NCCRP1: variants seen among roughly 807,000 people sequenced by gnomAD.
NCCRP1 encodes F-box only protein 50.
In NCCRP1, 32 loss-of-function variants were observed where a neutral mutation model predicts 34.4. The ratio of observed to expected loss-of-function variants is 0.93; its 90% CI spans 0.70 to 1.25. The LOEUF (loss-of-function observed/expected upper bound fraction) is 1.25. Ranked by LOEUF, NCCRP1 falls within the 50% of genes most tolerant of loss-of-function variation. NCCRP1 has a pLI of 0.00. For synonymous variants in NCCRP1, 172 were observed against 180.1 expected (o/e 0.95, Z 0.36); for missense variants, 372 against 391.8 (o/e 0.95, Z 0.43).
rs144574051 is a variant in NCCRP1, at chr19:39,200,577, A to G, written c.688-39A>G. The G allele has an allele frequency of 0.017, 28,007 of 1,611,938 alleles. 342 individuals carry two copies. Among genetic ancestry groups the G allele is most frequent in the Non-Finnish European group, 0.021 (24,722 of 1,179,016 alleles). ...AGGAGAACAGGTCCGCGGGTCCTCA[A>G]AAAGGGCTCCTCCCTAACCCCAGGT... On this transcript the variant is annotated intron_variant, in intron 5 of 5. Coordinates refer to ENST00000339852, the MANE Select transcript of NCCRP1 (RefSeq NM_001001414.2). This position sits in a 1 kb window ranked among gnomAD's most constrained non-coding sequence, Gnocchi z 5.8.
In NCCRP1 at chr19:39,200,301, A is replaced by C; in HGVS notation, c.549-45A>C. 1.2e-6 allele frequency: 2 copies of C among 1,606,186 alleles called. No individual in the cohort carries two copies. Among genetic ancestry groups the C allele is most frequent in the Non-Finnish European group, 1.7e-6 (2 of 1,176,584 alleles). Reference sequence around the variant, plus strand: ...ATGGGGCCAGGGGCTGGGGCTGGGTAGCTGAGACTGCAGTGACAGCTGAAG... The same window carrying C: ...ATGGGGCCAGGGGCTGGGGCTGGGTCGCTGAGACTGCAGTGACAGCTGAAG... On this transcript the variant is annotated intron_variant, in intron 4 of 5. Transcript: ENST00000339852. This position sits in a 1 kb window ranked among gnomAD's most constrained non-coding sequence, Gnocchi z 5.8.
chr19:39,200,410 C>T lies in NCCRP1; in HGVS notation c.613C>T (p.Arg205Cys), dbSNP rs371038975. The T allele has an allele frequency of 2.4e-5, 39 of 1,613,370 alleles. No individual in the cohort carries two copies. Among genetic ancestry groups the T allele is most frequent in the South Asian group, 1.3e-4 (12 of 91,082 alleles). The stretch of plus-strand genomic sequence containing the variant: ...GCATGTCTGGCTGCTGGCGGCCGAC[C>T]GCCGCACGGTCATTGCTCAGCACCA... ...ELHVWLLAAD[R>C]RTVIAQHHVA... Residue 205 changes from arginine (R) to cysteine (C), a missense_variant, in exon 5 of 6, where the codon CGC becomes TGC. Arg to Cys is a radical substitution (Grantham distance 180). Transcript: ENST00000339852. The surrounding 1 kb of genome is among the most constrained non-coding windows in gnomAD (Gnocchi z 5.8).
At chr19:39,197,851 CTCTG>C (rs1399894080) in intron 1 of NCCRP1, among the ~76,000 whole-genome samples, 198 bp from the exon 2 acceptor site, 2 of 152,166 alleles carry the variant, frequency 1.3e-5, no homozygotes, top group African/African-American at 2.4e-5. Context: ...GTCCCTCTGT[CTCTG>C]TCTGTCTCAC....
At position 39,201,565 on chromosome 19, in the gene NCCRP1, C is replaced by G. The variant is rs1344744342; in HGVS notation, c.*809C>G. 2 of 152,230 alleles carry G rather than the reference C, an allele frequency of 1.3e-5. No individual in the cohort carries two copies. The highest frequency in any genetic ancestry group is 2.9e-5 in the Non-Finnish European group (2 of 68,062). 9.4% of individuals were successfully genotyped at this position (152,230 alleles called of 1,614,324 possible). On this transcript the variant is annotated 3_prime_UTR_variant, in exon 6 of 6. Coordinates refer to ENST00000339852, the MANE Select transcript of NCCRP1 (RefSeq NM_001001414.2). ...ACCTCAAGTGATCTGCCCACCTTGG[C>G]TTCCCAAAGTGCTGGGATTGCAGAC... is the stretch of plus-strand genomic sequence containing the variant.
Position 39,198,210 on chromosome 19 carries a change from CGTGG to C in NCCRP1, c.410_413del (p.Arg137ProfsTer17), listed in dbSNP as rs1340909421. The C allele has an allele frequency of 6.2e-7, 1 of 1,614,044 alleles. No individual in the cohort carries two copies. Among genetic ancestry groups the C allele is most frequent in the African/African-American group, 1.3e-5 (1 of 74,920 alleles). On this transcript the variant is annotated frameshift_variant, in exon 3 of 6. Coordinates refer to ENST00000339852, the MANE Select transcript of NCCRP1 (RefSeq NM_001001414.2). LOFTEE classifies it high-confidence loss of function. ...TGCTCCCCAACCTGCAGGCAATTTC[CGTGG>C]CTGGTACATTAGAACTGAAAAGCTC...
chr19:39,199,293 C>G (rs751417896), intron 4 of NCCRP1, 28 bp downstream of exon 4: 1 of 1,602,440 alleles, frequency 6.2e-7, no homozygotes. Flanking sequence ...GCCAGCCTGA[C>G]CCCGTGATCG....
At position 39,200,054 on chromosome 19, in the gene NCCRP1, G is replaced by GC. The variant is rs1191869162; in HGVS notation, c.549-290dup. Among the ~76,000 whole-genome samples, 7 of 151,634 alleles carry GC rather than the reference G, an allele frequency of 4.6e-5. No individual in the cohort carries two copies. The highest frequency in any genetic ancestry group is 6.6e-5 in the Admixed American group (1 of 15,210). On this transcript the variant is annotated intron_variant, in intron 4 of 5. Transcript: ENST00000339852. The surrounding 1 kb of genome is among the most constrained non-coding windows in gnomAD (Gnocchi z 5.8). Reference sequence around the variant, plus strand: ...CCCCAGTTCTGTCCCCAACTCCTCTGCCTGGGTCCCCCCATCCTGGCCCTG... The same window carrying GC: ...CCCCAGTTCTGTCCCCAACTCCTCTGCCCTGGGTCCCCCCATCCTGGCCCTG...
chr19:39,199,638 A>G (rs1011929257), intron 4 of NCCRP1, among the ~76,000 whole-genome samples: 1 of 145,068 alleles, frequency 6.9e-6, no homozygotes, highest in African/African-American at 2.6e-5. Flanking sequence ...TCAGCTTCCC[A>G]AGTAACTGGG....
At chr19:39,197,415 T>C (rs920092176) in intron 1 of NCCRP1, 96 bp downstream of exon 1, 33 of 1,066,622 alleles carry the variant, frequency 3.1e-5, no homozygotes, top group Non-Finnish European at 1.3e-6. Context: ...TTTGTCTCTC[T>C]CTGTCTATGC....
In NCCRP1 at chr19:39,200,802, T is replaced by G. The variant is rs764565333; in HGVS notation, c.*46T>G. Reference sequence around the variant, plus strand: ...GACCCCACAGCACCTCCCTGACCTTTAGGAGCCCCAACTCTTAGTCACCTC... The same window carrying G: ...GACCCCACAGCACCTCCCTGACCTTGAGGAGCCCCAACTCTTAGTCACCTC... On this transcript the variant is annotated 3_prime_UTR_variant, in exon 6 of 6. Transcript: ENST00000339852. The surrounding 1 kb of genome is among the most constrained non-coding windows in gnomAD (Gnocchi z 5.8). 10 of 1,570,268 alleles carry G rather than the reference T, an allele frequency of 6.4e-6. No individual in the cohort carries two copies. The South Asian group carries it at 1.0e-4, about 16-fold the overall frequency.
chr19:39,198,149 G>A (rs747238892), intron 2 of NCCRP1, 34 bp downstream of exon 2: 2 of 1,614,184 alleles, frequency 1.2e-6, no homozygotes, highest in South Asian at 1.1e-5. Context: ...GCTGAGGGTG[G>A]GGAGGGTCCT....
Position 39,200,970 on chromosome 19 carries a change from A to G in NCCRP1, c.*214A>G. ...CCACTCCTTGTAAATTCAGTGCCCG[A>G]CAGATGCTCTGGCACAGATGCTTTG... On this transcript the variant is annotated 3_prime_UTR_variant, in exon 6 of 6. Coordinates refer to ENST00000339852, the MANE Select transcript of NCCRP1 (RefSeq NM_001001414.2). This position sits in a 1 kb window ranked among gnomAD's most constrained non-coding sequence, Gnocchi z 5.8. The G allele has an allele frequency of 1.8e-6, 1 of 570,554 alleles. No homozygotes were observed. The highest frequency in any genetic ancestry group is 3.0e-5 in the East Asian group (1 of 33,610). The allele number at this position is 570,554 out of a possible 1,614,324, so 35.3% of individuals were successfully genotyped here. A position where few individuals can be genotyped will look rare whatever the true frequency, so the allele number is the denominator to read the frequency against.
Position 39,197,281 on chromosome 19 carries a change from CG to C in NCCRP1, c.300del (p.Leu101SerfsTer54). 6.7e-7 allele frequency: 1 copy of C among 1,491,410 alleles called. No homozygotes were observed. Among genetic ancestry groups the C allele is most frequent in the Non-Finnish European group, 8.8e-7 (1 of 1,131,032 alleles). The allele number at this position is 1,491,410 out of a possible 1,614,324, so 92.4% of individuals were successfully genotyped here. A position where few individuals can be genotyped will look rare whatever the true frequency, so the allele number is the denominator to read the frequency against. Reference sequence around the variant, plus strand: ...TGGAAGCTGCTCCTGTTGCGGCGGCCGCTCTACCGCAACCTGCTGCGCTCGC... The same window carrying C: ...TGGAAGCTGCTCCTGTTGCGGCGGCCCTCTACCGCAACCTGCTGCGCTCGC... ...LTWKLLLLRRPLYRNLLRSPN... is the reference protein window; with the variant it reads ...LTWKLLLLRRXLYRNLLRSPN... On this transcript the variant is annotated frameshift_variant, in exon 1 of 6. Transcript: ENST00000339852. LOFTEE classifies it high-confidence loss of function.
rs1416949652 is a variant in NCCRP1, at chr19:39,200,464, C to T, written c.667C>T (p.Pro223Ser). ...GGCCCCCCGAACTTCTGGGAGAGGA[C>T]CCCCTGGCCGCTGGGTCCAGGTGAG... ...HVAPRTSGRGPPGRWVQVSHV... is the reference protein window; with the variant it reads ...HVAPRTSGRGSPGRWVQVSHV... Residue 223 changes from proline to serine, a missense_variant, in exon 5 of 6, where the codon CCC becomes TCC. By Grantham distance (74) the Pro-to-Ser change is moderately conservative (BLOSUM62 -1). Coordinates refer to ENST00000339852, the MANE Select transcript of NCCRP1 (RefSeq NM_001001414.2). This position sits in a 1 kb window ranked among gnomAD's most constrained non-coding sequence, Gnocchi z 5.8. The T allele has an allele frequency of 1.2e-6, 2 of 1,613,368 alleles. No individual in the cohort carries two copies. The highest frequency in any genetic ancestry group is 1.3e-5 in the African/African-American group (1 of 75,052).
rs2074781927 is a variant in NCCRP1, at chr19:39,200,245, C to T, written c.549-101C>T. The T allele has an allele frequency of 6.8e-7, 1 of 1,474,928 alleles. No homozygotes were observed. The highest frequency in any genetic ancestry group is 1.4e-5 in the African/African-American group (1 of 72,758). 91.4% of individuals were successfully genotyped at this position (1,474,928 alleles called of 1,614,324 possible). On this transcript the variant is annotated intron_variant, in intron 4 of 5. Transcript: ENST00000339852. The surrounding 1 kb of genome is among the most constrained non-coding windows in gnomAD (Gnocchi z 5.8). ...CCACCCAGCTCAGGGCTGTGTACAG[C>T]ATGGGTAGCAGCATGTGTGTTGAAT...
rs1035883076 is a variant in NCCRP1, at chr19:39,201,231, C to T, written c.*475C>T. 6.2e-6 allele frequency: 1 copy of T among 161,170 alleles called. No homozygotes were observed. The highest frequency in any genetic ancestry group is 1.4e-5 in the Non-Finnish European group (1 of 73,962). The allele number at this position is 161,170 out of a possible 1,614,324, so 10.0% of individuals were successfully genotyped here. ...GCCCCGATCCTTGATCTTCCATTAC[C>T]TTCACATCCCGGGGTCCTTCTGAAC... is the stretch of plus-strand genomic sequence containing the variant. On this transcript the variant is annotated 3_prime_UTR_variant, in exon 6 of 6. Coordinates refer to ENST00000339852, the MANE Select transcript of NCCRP1 (RefSeq NM_001001414.2).
rs757801641 is a variant in NCCRP1 at position 39,200,485 on chromosome 19, G to A, written c.687+1G>A. 5.0e-6 allele frequency: 8 copies of A among 1,612,480 alleles called. No homozygotes were observed. In the Admixed American group the frequency reaches 8.3e-5, roughly 17 times the overall value. On this transcript the variant is annotated splice_donor_variant, in intron 5 of 5. Coordinates refer to ENST00000339852, the MANE Select transcript of NCCRP1 (RefSeq NM_001001414.2). LOFTEE classifies it high-confidence loss of function. The surrounding 1 kb of genome is among the most constrained non-coding windows in gnomAD (Gnocchi z 5.8). ...AGGACCCCCTGGCCGCTGGGTCCAG[G>A]TGAGACTCTCCGCGCCGGGGCCCTC...
chr19:39,200,695 C>T lies in NCCRP1; in HGVS notation c.767C>T (p.Pro256Leu). ...FLHKAKNRME[P>L]GGLRRTRVTD... ...CACAAGGCCAAGAACCGCATGGAGC[C>T]TGGTGGGCTGCGGCGGACACGGGTG... The change falls in exon 6 of 6, where the codon CCT (proline) becomes CTT (leucine). Residue 256 changes from proline (P) to leucine (L), a missense_variant. Coordinates refer to ENST00000339852, the MANE Select transcript of NCCRP1 (RefSeq NM_001001414.2). The surrounding 1 kb of genome is among the most constrained non-coding windows in gnomAD (Gnocchi z 5.8). The T allele has an allele frequency of 6.2e-7, 1 of 1,614,016 alleles. No homozygotes were observed. The highest frequency in any genetic ancestry group is 8.5e-7 in the Non-Finnish European group (1 of 1,180,018).
In NCCRP1 at chr19:39,200,790, C is replaced by T. The variant is rs1373569468; in HGVS notation, c.*34C>T. 3.2e-5 allele frequency: 50 copies of T among 1,583,642 alleles called. No homozygotes were observed. The highest frequency in any genetic ancestry group is 3.9e-5 in the Non-Finnish European group (46 of 1,168,936). ...CTCCTCTGTCCTGACCCCACAGCAC[C>T]TCCCTGACCTTTAGGAGCCCCAACT... is the stretch of plus-strand genomic sequence containing the variant. On this transcript the variant is annotated 3_prime_UTR_variant, in exon 6 of 6. Transcript: ENST00000339852. The surrounding 1 kb of genome is among the most constrained non-coding windows in gnomAD (Gnocchi z 5.8).
Sources: allele counts gnomAD v4.1 joint callset (sites outside exome capture counted in the v4.1 genomes callset), GRCh38; gene constraint gnomAD v4.1.1; non-coding constraint Gnocchi (gnomAD v3.1); transcripts MANE v1.5; gene names NCBI Gene and HGNC (gene_info 2026-07-23, HGNC 2026-07-21).